Variants in PGM2L1 observed in about 807,000 individuals in gnomAD.
PGM2L1 encodes glucose 1,6-bisphosphate synthase.
In PGM2L1, 35 loss-of-function variants were observed where a neutral mutation model predicts 73.4. The observed-to-expected ratio is 0.48, with a 90% CI of 0.36 to 0.63. The LOEUF is 0.63. Ranked by LOEUF, PGM2L1 falls within the 30% of genes least tolerant of loss-of-function variation. PGM2L1 has a pLI of 0.00. For missense variants in PGM2L1, 570 were observed against 742.0 expected (o/e 0.77, Z 2.69); for synonymous variants, 225 against 253.8 (o/e 0.89, Z 1.08).
In PGM2L1 at chr11:74,342,526, A is replaced by G; in HGVS notation, c.1567T>C (p.Phe523Leu). 6.2e-7 allele frequency: 1 copy of G among 1,610,218 alleles called. No individual in the cohort carries two copies. Among genetic ancestry groups the G allele is most frequent in the Non-Finnish European group, 8.5e-7 (1 of 1,178,020 alleles). ...ACGTCCCGTACATGCAATATAGCAA[A>G]TGTTCCACAAAATTTTGGATATTCT... ...PKEYPKFCGT[F>L]AILHVRDVTT... The change falls in exon 12 of 14, where the codon TTT becomes CTT. Residue 523 changes from phenylalanine to leucine, a missense_variant. By Grantham distance (22) the Phe-to-Leu change is conservative. Transcript: ENST00000298198.
At chr11:74,371,074 G>T in intron 3 of PGM2L1, 88 bp from the exon 4 acceptor site, 1 of 960,984 alleles carries the variant, frequency 1.0e-6, no homozygotes, top group Non-Finnish European at 1.6e-6. Flanking sequence ...ATTATAATTA[G>T]TCTGAATAAA....
intron 1 of PGM2L1, among the ~76,000 whole-genome samples, chr11:74,377,345 G>A (rs1445845533): frequency 6.6e-6 from 1 of 152,046 alleles, no homozygotes; most frequent in African/African-American, 2.4e-5. Context: ...GTGTTAGCCA[G>A]GATGGTCTCG....
rs773022789 is a variant in PGM2L1 at position 74,347,326 on chromosome 11, G to A, written c.761C>T (p.Ser254Leu). ...KKICFYRELNSKTTLKFVHTS... is the reference protein window; with the variant it reads ...KKICFYRELNLKTTLKFVHTS... The stretch of plus-strand genomic sequence containing the variant: ...GTGCACAAATTTCAAGGTGGTCTTC[G>A]AGTTTAACTCCCTGTAAAGGAAAAT... Residue 254 changes from serine to leucine, a missense_variant, in exon 7 of 14, where the codon TCG becomes TTG. By Grantham distance (145) the Ser-to-Leu change is moderately radical. Coordinates refer to ENST00000298198, the MANE Select transcript of PGM2L1 (RefSeq NM_173582.6). The A allele has an allele frequency of 1.7e-5, 27 of 1,596,304 alleles. No individual in the cohort carries two copies. Among genetic ancestry groups the A allele is most frequent in the Admixed American group, 5.2e-5 (3 of 57,246 alleles).
chr11:74,376,391 T>C (rs1302082956), intron 1 of PGM2L1, among the ~76,000 whole-genome samples: 2 of 151,930 alleles, frequency 1.3e-5, no homozygotes, highest in Admixed American at 6.6e-5. Context: ...ATGCTTCTGA[T>C]AACAATTTAA....
At position 74,374,448 on chromosome 11, in the gene PGM2L1, A is replaced by G. The variant is rs1862826696; in HGVS notation, c.246T>C (p.Tyr82=). The change falls in exon 2 of 14, where the codon TAT becomes TAC. Residue 82 remains tyrosine (Y), a synonymous_variant. Transcript: ENST00000298198. ...LRSAMGAGFC[Y]INDLTVIQST... is the part of the protein sequence containing the mutation. ...ACTGTATTACTGTAAGGTCATTAAT[A>G]TAGCAAAACCCTGCCCCCATGGCAG... is the stretch of plus-strand genomic sequence containing the variant. 3 of 1,613,866 alleles carry G rather than the reference A, an allele frequency of 1.9e-6. No individual in the cohort carries two copies. Among genetic ancestry groups the G allele is most frequent in the Middle Eastern group, 1.7e-4 (1 of 6,060 alleles).
chr11:74,354,980 A>G, intron 5 of PGM2L1: 1 of 1,087,216 alleles, frequency 9.2e-7, no homozygotes, highest in Non-Finnish European at 1.4e-6. Flanking sequence ...AAGTCAGGAA[A>G]GCCCTGTCAA....
intron 5 of PGM2L1, among the ~76,000 whole-genome samples, chr11:74,364,904 C>G (rs1378668159): frequency 6.6e-6 from 1 of 152,136 alleles, no homozygotes; most frequent in African/African-American, 2.4e-5. Context: ...CCTGCATTGC[C>G]AAGTCAATCC....
At chr11:74,380,846 C>T (rs1485853202) in intron 1 of PGM2L1, among the ~76,000 whole-genome samples, 2 of 152,162 alleles carry the variant, frequency 1.3e-5, no homozygotes, top group South Asian at 4.1e-4. Context: ...TATTCTGACA[C>T]ATCATACTTT....
In PGM2L1 at chr11:74,342,475, G is replaced by A; in HGVS notation, c.1618C>T (p.Pro540Ser). ...AAGGTACTTACTGATTTCTTATTAG[G>A]CTGGCTACTGTCATATCCAGTGGTA... The part of the protein sequence containing the change: ...DVTTGYDSSQ[P>S]NKKSVLPVSK... The change falls in exon 12 of 14, where the codon CCT (proline) becomes TCT (serine). Residue 540 changes from proline (P) to serine (S), a missense_variant. By Grantham distance (74) the Pro-to-Ser change is moderately conservative (BLOSUM62 -1). Coordinates refer to ENST00000298198, the MANE Select transcript of PGM2L1 (RefSeq NM_173582.6). 1 of 1,472,716 alleles carries A rather than the reference G, an allele frequency of 6.8e-7. No homozygotes were observed. The highest frequency in any genetic ancestry group is 1.5e-5 in the South Asian group (1 of 67,188). 91.2% of individuals were successfully genotyped at this position (1,472,716 alleles called of 1,614,324 possible).
chr11:74,394,188 G>A (rs1450818291), intron 1 of PGM2L1, among the ~76,000 whole-genome samples: 1 of 152,134 alleles, frequency 6.6e-6, no homozygotes, highest in Non-Finnish European at 1.5e-5. Context: ...TCATATATCT[G>A]ACTCCCTGTG....
intron 1 of PGM2L1, among the ~76,000 whole-genome samples, chr11:74,392,698 C>T (rs1026322664): frequency 1.2e-4 from 19 of 152,152 alleles, no homozygotes; most frequent in African/African-American, 4.6e-4. Flanking sequence ...CCCGCCACCT[C>T]GCCCGGCTAA....
chr11:74,396,470 A>AG (rs1427212137), intron 1 of PGM2L1, among the ~76,000 whole-genome samples: 1 of 150,604 alleles, frequency 6.6e-6, no homozygotes, highest in East Asian at 2.0e-4. Flanking sequence ...GCTGGAGTGC[A>AG]GTGGCGCGAT....
intron 5 of PGM2L1, among the ~76,000 whole-genome samples, chr11:74,363,943 A>T (rs1182325133): frequency 6.6e-6 from 1 of 152,254 alleles, no homozygotes; most frequent in African/African-American, 2.4e-5. Context: ...ATTCCTGATA[A>T]ACATCAATGC....
At chr11:74,377,042 A>G (rs1186889309) in intron 1 of PGM2L1, among the ~76,000 whole-genome samples, 1 of 151,918 alleles carries the variant, frequency 6.6e-6, no homozygotes, top group East Asian at 1.9e-4. Context: ...TTACATTTGT[A>G]TTTTTTTGCT....
At position 74,398,183 on chromosome 11, in the gene PGM2L1, G is replaced by T. The variant is rs765371682; in HGVS notation, c.-22C>A. The T allele has an allele frequency of 1.9e-6, 3 of 1,597,490 alleles. No homozygotes were observed. The highest frequency in any genetic ancestry group is 3.4e-5 in the Admixed American group (2 of 58,726). On this transcript the variant is annotated 5_prime_UTR_variant, in exon 1 of 14. Transcript: ENST00000298198. ...CCATGGCGACCAGACAGGCGTACGG[G>T]CCGGGGGCCGGCGAAGACACTGAGT...
chr11:74,394,171 G>A (rs1863142155), intron 1 of PGM2L1, among the ~76,000 whole-genome samples: 1 of 152,144 alleles, frequency 6.6e-6, no homozygotes, highest in African/African-American at 2.4e-5. Context: ...GCTGTTAAAT[G>A]TTTGTGTCAT....
rs1467331169 is a variant in PGM2L1 at position 74,335,907 on chromosome 11, AG to A, written c.*744del. Reference sequence around the variant, plus strand: ...TGACTGATTAAATTATGGTAAATGCAGGAACACTGTTTTTTCTGTTCACACC... The same window carrying A: ...TGACTGATTAAATTATGGTAAATGCAGAACACTGTTTTTTCTGTTCACACC... On this transcript the variant is annotated 3_prime_UTR_variant, in exon 14 of 14. Coordinates refer to ENST00000298198, the MANE Select transcript of PGM2L1 (RefSeq NM_173582.6). The A allele has an allele frequency of 6.5e-6, 1 of 152,688 alleles. No homozygotes were observed. Among genetic ancestry groups the A allele is most frequent in the Non-Finnish European group, 1.5e-5 (1 of 68,046 alleles). 9.5% of individuals were successfully genotyped at this position (152,688 alleles called of 1,614,324 possible).
chr11:74,351,130 C>A (rs940270586), intron 6 of PGM2L1, among the ~76,000 whole-genome samples: 1 of 152,088 alleles, frequency 6.6e-6, no homozygotes, highest in Admixed American at 6.5e-5. Flanking sequence ...CAAGGTTTAT[C>A]CATGTTGTGG....
chr11:74,351,362 C>G (rs1862350149), intron 6 of PGM2L1, 21 bp downstream of exon 6: 1 of 1,588,938 alleles, frequency 6.3e-7, no homozygotes, highest in Non-Finnish European at 8.6e-7. Context: ...GTAGTATTAT[C>G]TGATATTCTC....
Sources: gnomAD v4.1 joint callset for allele counts (sites outside exome capture counted in the v4.1 genomes callset) on GRCh38, gnomAD v4.1.1 for gene constraint, MANE v1.5 for transcripts, NCBI Gene and HGNC (gene_info 2026-07-23, HGNC 2026-07-21) for gene names.